The following ANK3 variants were observed in gnomAD, a reference collection of about 807,000 sequenced individuals.
ANK3 encodes ankyrin-3.
In ANK3, 57 loss-of-function variants were observed where a neutral mutation model predicts 370.9. The ratio of observed to expected loss-of-function variants is 0.15; its 90% confidence interval spans 0.12 to 0.19. The LOEUF is 0.19. Ranked by LOEUF, ANK3 falls within the 10% of genes least tolerant of loss-of-function variation. The probability of loss-of-function intolerance (pLI) is 1.00; values close to 1 mark genes in which losing one functional copy is unlikely to be tolerated. For missense variants in ANK3, 4,439 were observed against 5,302.1 expected (o/e 0.84, Z 5.06); for synonymous variants, 1,929 against 1,946.3 (o/e 0.99, Z 0.23).
At chr10:60,667,184 CATATTATATTATATT>C (rs71467102) in intron 1 of ANK3, among the ~76,000 whole-genome samples, 32 of 143,244 alleles carry the variant, frequency 2.2e-4, no homozygotes, top group Non-Finnish European at 4.0e-4. Flanking sequence ...TATATTATAT[CATATTATATTATATT>C]ATATTATATT....
intron 2 of ANK3, among the ~76,000 whole-genome samples, chr10:60,487,898 G>A (rs541936376): frequency 1.3e-5 from 2 of 152,024 alleles, no homozygotes; most frequent in South Asian, 2.1e-4. Context: ...ATTTTTAGTC[G>A]AGACGAGGTT....
chr10:60,109,156 T>C (rs2092474766), intron 26 of ANK3, 102 bp from the exon 27 acceptor site: 2 of 845,166 alleles, frequency 2.4e-6, no homozygotes, highest in South Asian at 1.7e-5. Context: ...CGACAGACAA[T>C]GTAGCTATCA....
chr10:60,601,306 G>T (rs2078060179), intron 2 of ANK3, among the ~76,000 whole-genome samples: 2 of 150,806 alleles, frequency 1.3e-5, no homozygotes, highest in African/African-American at 2.5e-5. Flanking sequence ...AGTAGAGTAT[G>T]GAAAGAGAGA....
chr10:60,488,181 C>T (rs114795672), intron 2 of ANK3, among the ~76,000 whole-genome samples: 2,292 of 152,120 alleles, frequency 0.015, 57 homozygotes, highest in African/African-American at 0.052. Context: ...GAGATAGATG[C>T]CATTTGGATT....
At chr10:60,409,840 G>T (rs1053422170) in intron 2 of ANK3, among the ~76,000 whole-genome samples, 1 of 152,110 alleles carries the variant, frequency 6.6e-6, no homozygotes, top group Non-Finnish European at 1.5e-5. Context: ...AATATATGAT[G>T]TGCCTCCCAC....
At chr10:60,712,581 A>C (rs1023761868) in intron 1 of ANK3, among the ~76,000 whole-genome samples, 2 of 152,230 alleles carry the variant, frequency 1.3e-5, no homozygotes, top group Admixed American at 1.3e-4. Flanking sequence ...CAAATACAAA[A>C]CAGTGAAAAA....
chr10:60,090,561 C>T (rs370148489), intron 28 of ANK3, among the ~76,000 whole-genome samples: 8 of 152,062 alleles, frequency 5.3e-5, no homozygotes, highest in African/African-American at 9.7e-5. Flanking sequence ...CAATACCAAA[C>T]GTATTAATAA....
rs370111188 is a variant in ANK3 at position 60,705,816 on chromosome 10, T to C, written c.57+27447A>G. 3.5e-4 allele frequency among the ~76,000 whole-genome samples: 44 copies of C among 125,192 alleles called. No individual in the cohort carries two copies. The East Asian group carries it at 9.7e-3, about 28-fold the overall frequency. 82.1% of individuals were successfully genotyped at this position (125,192 alleles called of 152,430 possible). A position where few individuals can be genotyped will look rare whatever the true frequency, so the allele number is the denominator to read the frequency against. ...TTTGTTTTCTACTAGAGGTTTTTTT[T>C]TTTCTTTCTTTTTTTTTTTTTTTTT... is the stretch of plus-strand genomic sequence containing the variant. On this transcript the variant is annotated intron_variant, in intron 1 of 43. Transcript: ENST00000373827.
intron 23 of ANK3, among the ~76,000 whole-genome samples, chr10:60,151,654 TG>T (rs2095122722): frequency 6.6e-6 from 1 of 152,182 alleles, no homozygotes; most frequent in South Asian, 2.1e-4. Context: ...TGCAGAACTG[TG>T]AGCCAAAATA....
At chr10:60,161,521 A>G (rs575324624) in intron 23 of ANK3, among the ~76,000 whole-genome samples, 93 of 152,318 alleles carry the variant, frequency 6.1e-4, no homozygotes, top group South Asian at 4.6e-3. Context: ...TAAAGAAAAT[A>G]TGGTACATAC....
intron 20 of ANK3, among the ~76,000 whole-genome samples, chr10:60,172,690 T>G (rs537522183): frequency 2.0e-5 from 3 of 152,282 alleles, no homozygotes; most frequent in East Asian, 3.9e-4. Context: ...TAGGTGACAA[T>G]GCAGTAGGTA....
At chr10:60,247,340 C>T (rs572693389) in intron 7 of ANK3, among the ~76,000 whole-genome samples, 47 of 152,106 alleles carry the variant, frequency 3.1e-4, no homozygotes, top group Non-Finnish European at 3.8e-4. Flanking sequence ...TTTCAATATA[C>T]GCTTTAAAAA....
chr10:60,174,679 C>T (rs903760383), intron 18 of ANK3, among the ~76,000 whole-genome samples: 1 of 152,102 alleles, frequency 6.6e-6, no homozygotes, highest in Non-Finnish European at 1.5e-5. Context: ...TATAATACAA[C>T]CATTTCTAAT....
intron 1 of ANK3, among the ~76,000 whole-genome samples, chr10:60,280,092 C>G (rs2098139782): frequency 6.6e-6 from 1 of 152,180 alleles, no homozygotes; most frequent in South Asian, 2.1e-4. Context: ...GAGACAGGGT[C>G]TCACTTTGTT....
At chr10:60,210,900 C>T (rs1336849631) in intron 9 of ANK3, among the ~76,000 whole-genome samples, 1 of 152,106 alleles carries the variant, frequency 6.6e-6, no homozygotes, top group East Asian at 1.9e-4. Context: ...AAGAAAAGCC[C>T]CAGTGTGTAG....
At chr10:60,450,250 C>T (rs2064562437) in intron 2 of ANK3, among the ~76,000 whole-genome samples, 1 of 152,094 alleles carries the variant, frequency 6.6e-6, no homozygotes, top group Non-Finnish European at 1.5e-5. Context: ...GTTGGGATTA[C>T]ACCACCGCAC....
At chr10:60,666,784 G>A (rs1278490037) in intron 1 of ANK3, among the ~76,000 whole-genome samples, 2 of 152,070 alleles carry the variant, frequency 1.3e-5, no homozygotes, top group Non-Finnish European at 1.5e-5. Context: ...GAAGGAAAAA[G>A]GTGGCATTTC....
intron 1 of ANK3, among the ~76,000 whole-genome samples, chr10:60,688,307 C>T (rs2079298287): frequency 6.6e-6 from 1 of 152,026 alleles, no homozygotes; most frequent in Non-Finnish European, 1.5e-5. Flanking sequence ...CTCAAGTGAT[C>T]CACCCGCCTC....
intron 1 of ANK3, among the ~76,000 whole-genome samples, chr10:60,683,095 T>C (rs1312039995): frequency 6.6e-6 from 1 of 152,040 alleles, no homozygotes; most frequent in African/African-American, 2.4e-5. Context: ...CCAGGCTTGG[T>C]ATATGAGGAA....
Sources: allele counts gnomAD v4.1 joint callset (sites outside exome capture counted in the v4.1 genomes callset), GRCh38; gene constraint gnomAD v4.1.1; transcripts MANE v1.5; gene names NCBI Gene and HGNC (gene_info 2026-07-23, HGNC 2026-07-21).